Variants in ANKRD27 observed in about 807,000 individuals in gnomAD.
The protein encoded by ANKRD27 is ankyrin repeat domain-containing protein 27.
ANKRD27 carries 112 observed loss-of-function variants against 129.7 expected under a neutral mutation model. That is an observed-to-expected ratio of 0.86 (90% CI 0.74 to 1.01). The LOEUF is 1.01. Among genes scored for constraint, ANKRD27 ranks in the 50% least tolerant of loss-of-function variants. The pLI is 0.00. For synonymous variants in ANKRD27, 516 were observed against 511.2 expected, an observed-to-expected ratio of 1.01 and a Z score of -0.13; for missense variants, 1,258 against 1,300.5, an observed-to-expected ratio of 0.97 and a Z score of 0.50.
intron 4 of ANKRD27, among the ~76,000 whole-genome samples, chr19:32,645,204 G>T (rs969553325): frequency 6.6e-6 from 1 of 152,100 alleles, no homozygotes; most frequent in Non-Finnish European, 1.5e-5. Context: ...ATGAGGTCAA[G>T]GGATCAAGAC....
chr19:32,605,330 T>C (rs891575108), intron 24 of ANKRD27, among the ~76,000 whole-genome samples: 2 of 152,130 alleles, frequency 1.3e-5, no homozygotes, highest in Non-Finnish European at 2.9e-5. Flanking sequence ...AGGGTGCCAT[T>C]GCATTCCAGC....
At chr19:32,598,734 C>T (rs189912890) in intron 28 of ANKRD27, among the ~76,000 whole-genome samples, 77 of 151,730 alleles carry the variant, frequency 5.1e-4, no homozygotes, top group Admixed American at 4.5e-3. Context: ...CAGATTTCAA[C>T]GATTCTGGCT....
At chr19:32,604,465 AC>A (rs1441807441) in intron 24 of ANKRD27, 41 bp from the exon 25 acceptor site, 1 of 1,554,634 alleles carries the variant, frequency 6.4e-7, no homozygotes, top group Admixed American at 1.8e-5. Context: ...ACGCTACGAA[AC>A]GTCAGCATGG....
Position 32,640,292 on chromosome 19 carries a change from A to T in ANKRD27, c.983+15T>A. 1 of 1,608,840 alleles carries T rather than the reference A, an allele frequency of 6.2e-7. No homozygotes were observed. Among genetic ancestry groups the T allele is most frequent in the Non-Finnish European group, 8.5e-7 (1 of 1,175,622 alleles). On this transcript the variant is annotated intron_variant, in intron 11 of 28. Coordinates refer to ENST00000306065, the MANE Select transcript of ANKRD27 (RefSeq NM_032139.3). ...ACTGCCATTTTCAAAAGAGTATCTT[A>T]AAAGAAAATGTTACCAATTAGGGAT...
intron 1 of ANKRD27, among the ~76,000 whole-genome samples, chr19:32,659,455 G>A (rs1016565953): frequency 6.6e-6 from 1 of 151,922 alleles, no homozygotes; most frequent in African/African-American, 2.4e-5. Context: ...TTCTCCCACA[G>A]ACTCACTCCA....
intron 20 of ANKRD27, 139 bp downstream of exon 20, chr19:32,619,121 A>T: frequency 8.3e-7 from 1 of 1,200,638 alleles, no homozygotes; most frequent in Non-Finnish European, 1.2e-6. Flanking sequence ...AACCTCGGCC[A>T]CCACAGAGCA....
intron 22 of ANKRD27, among the ~76,000 whole-genome samples, chr19:32,610,504 A>C (rs1224999344): frequency 6.9e-5 from 9 of 129,722 alleles, no homozygotes; most frequent in Admixed American, 1.5e-4. Flanking sequence ...AAAAAAAAAA[A>C]GTTTAGGCCA....
At chr19:32,630,883 C>T (rs189200196) in intron 13 of ANKRD27, among the ~76,000 whole-genome samples, 3 of 152,172 alleles carry the variant, frequency 2.0e-5, no homozygotes, top group East Asian at 3.9e-4. Context: ...CCTCCCACTT[C>T]GGCCTCCCAA....
At chr19:32,657,096 G>A (rs1967551939) in intron 2 of ANKRD27, among the ~76,000 whole-genome samples, 2 of 152,022 alleles carry the variant, frequency 1.3e-5, no homozygotes, top group South Asian at 4.1e-4. Flanking sequence ...GGGAGATGGA[G>A]GTGGGCGGAT....
At chr19:32,661,234 C>CAT (rs1568419938) in intron 1 of ANKRD27, among the ~76,000 whole-genome samples, 2 of 150,760 alleles carry the variant, frequency 1.3e-5, no homozygotes, top group Admixed American at 1.3e-4. Context: ...CACACACACA[C>CAT]ACACACACAC....
intron 9 of ANKRD27, among the ~76,000 whole-genome samples, chr19:32,642,815 G>A (rs1478293564): frequency 6.6e-6 from 1 of 152,096 alleles, no homozygotes; most frequent in African/African-American, 2.4e-5. Flanking sequence ...GTGGGCAGGT[G>A]GGATGTCCCC....
At chr19:32,656,750 A>G (rs1348685372) in intron 2 of ANKRD27, among the ~76,000 whole-genome samples, 3 of 149,976 alleles carry the variant, frequency 2.0e-5, no homozygotes, top group Non-Finnish European at 4.4e-5. Context: ...ATGTCACTGT[A>G]TTCTAGCCCA....
chr19:32,625,970 C>A lies in ANKRD27; in HGVS notation c.1537-4G>T. 6.2e-7 allele frequency: 1 copy of A among 1,602,040 alleles called. No homozygotes were observed. The highest frequency in any genetic ancestry group is 8.5e-7 in the Non-Finnish European group (1 of 1,176,246). ...CCTTGTAGTGCAGCAGCAGCAGCTG[C>A]GGAGATAAAGGAAAGCGATGAGCAG... On this transcript the variant is annotated splice_polypyrimidine_tract_variant and splice_region_variant and intron_variant, in intron 16 of 28. Coordinates refer to ENST00000306065, the MANE Select transcript of ANKRD27 (RefSeq NM_032139.3).
chr19:32,630,151 C>T (rs1016393156), intron 13 of ANKRD27, among the ~76,000 whole-genome samples: 9 of 152,092 alleles, frequency 5.9e-5, no homozygotes, highest in African/African-American at 2.2e-4. Flanking sequence ...AGAGCATCAG[C>T]CTGTAAAGGA....
Position 32,600,045 on chromosome 19 carries a change from A to G in ANKRD27, c.2773T>C (p.Ser925Pro), listed in dbSNP as rs769272187. The part of the protein sequence containing the change: ...VTVKIRKKWN[S>P]KLYDLPDEPF... The stretch of plus-strand genomic sequence containing the variant: ...TCATCTGGTAGATCATACAGTTTTG[A>G]GTTCCCTGTAGATAAAAAGATAAAC... Residue 925 changes from serine to proline, a missense_variant, in exon 27 of 29, where the codon TCA (serine) becomes CCA (proline). Transcript: ENST00000306065. 4 of 1,609,002 alleles carry G rather than the reference A, an allele frequency of 2.5e-6. No individual in the cohort carries two copies. The highest frequency in any genetic ancestry group is 2.7e-5 in the African/African-American group (2 of 74,850).
chr19:32,605,736 C>T lies in ANKRD27; in HGVS notation c.2493+99G>A, dbSNP rs115405568. On this transcript the variant is annotated intron_variant, in intron 24 of 28. Coordinates refer to ENST00000306065, the MANE Select transcript of ANKRD27 (RefSeq NM_032139.3). ...CAGAGGCCTGGGGTTGATGGGTGGC[C>T]GGGCCTCTCCATCCCCAGTGCGCTG... 11,846 of 1,505,626 alleles carry T rather than the reference C, an allele frequency of 7.9e-3. 62 individuals carry two copies. The highest frequency in any genetic ancestry group is 0.021 in the African/African-American group (1,490 of 71,452). 93.3% of individuals were successfully genotyped at this position (1,505,626 alleles called of 1,614,324 possible).
chr19:32,605,734 G>C (rs1971722472), intron 24 of ANKRD27, 101 bp downstream of exon 24: 14 of 1,492,792 alleles, frequency 9.4e-6, no homozygotes, highest in Non-Finnish European at 1.2e-5. Context: ...TTGATGGGTG[G>C]CCGGGCCTCT....
At chr19:32,605,725 T>G in intron 24 of ANKRD27, 110 bp downstream of exon 24, 1 of 1,452,108 alleles carries the variant, frequency 6.9e-7, no homozygotes, top group East Asian at 2.5e-5. Context: ...GGCCTGGGGT[T>G]GATGGGTGGC....
chr19:32,615,913 C>G (rs1057194549), intron 21 of ANKRD27, 133 bp from the exon 22 acceptor site: 28 of 1,243,364 alleles, frequency 2.3e-5, no homozygotes, highest in Non-Finnish European at 3.0e-5. Flanking sequence ...CCATTTATAA[C>G]CGGCTTCTGC....
Sources: gnomAD v4.1 joint callset for allele counts (sites outside exome capture counted in the v4.1 genomes callset) on GRCh38, gnomAD v4.1.1 for gene constraint, MANE v1.5 for transcripts, NCBI Gene and HGNC (gene_info 2026-07-23, HGNC 2026-07-21) for gene names.